The following SYTL2 variants were observed in gnomAD, a reference collection of about 807,000 sequenced individuals.
SYTL2 encodes synaptotagmin-like protein 2.
A neutral mutation model predicts 198.7 loss-of-function variants in SYTL2; 165 were observed. The observed-to-expected ratio is 0.83, with a 90% CI of 0.73 to 0.94. The LOEUF is 0.94. Among genes scored for constraint, SYTL2 ranks in the 40% least tolerant of loss-of-function variants. The probability of loss-of-function intolerance (pLI) is 0.00; values close to 1 mark genes in which losing one functional copy is unlikely to be tolerated. For missense variants in SYTL2, 2,835 were observed against 2,582.8 expected (o/e 1.10, Z -2.12); for synonymous variants, 966 against 917.7 (o/e 1.05, Z -0.95).
chr11:85,722,540 C>T (rs2088500396), intron 8 of SYTL2, among the ~76,000 whole-genome samples: 2 of 152,088 alleles, frequency 1.3e-5, no homozygotes, highest in Admixed American at 6.6e-5. Flanking sequence ...TGCTGGGATA[C>T]ACATTAGATG....
At position 85,696,219 on chromosome 11, in the gene SYTL2, G is replaced by C; in HGVS notation, c.6538C>G (p.Gln2180Glu). Residue 2180 changes from glutamine (Q) to glutamate (E), a missense_variant, in exon 19 of 20, where the codon CAA becomes GAA. Coordinates refer to ENST00000359152, the MANE Select transcript of SYTL2 (RefSeq NM_206927.4). ...TVWDHYKLTN[Q>E]FLGGLRIGFG... The stretch of plus-strand genomic sequence containing the variant: ...CCAATACGAAGACCTCCCAAAAATT[G>C]GTTGGTTAATTTGTAATGGTCCCAG... 1 of 1,614,048 alleles carries C rather than the reference G, an allele frequency of 6.2e-7. No homozygotes were observed. Among genetic ancestry groups the C allele is most frequent in the Non-Finnish European group, 8.5e-7 (1 of 1,179,994 alleles).
At chr11:85,701,123 C>T (rs1443575375) in intron 16 of SYTL2, among the ~76,000 whole-genome samples, 4 of 152,130 alleles carry the variant, frequency 2.6e-5, no homozygotes, top group East Asian at 3.9e-4. Flanking sequence ...AAACTTCTAT[C>T]TGTTATTTTC....
At chr11:85,745,911 A>G (rs2091126119) in intron 3 of SYTL2, 139 bp from the exon 4 acceptor site, 6 of 733,822 alleles carry the variant, frequency 8.2e-6, no homozygotes, top group Non-Finnish European at 1.3e-5. Context: ...GGGTCTAAGT[A>G]GTTGATCAGA....
chr11:85,843,373 T>A, the SYTL2 span, among the ~76,000 whole-genome samples: 1 of 151,798 alleles, frequency 6.6e-6, no homozygotes, highest in Non-Finnish European at 1.5e-5. Flanking sequence ...GTCTCAAAAA[T>A]AAAAATAAAA....
intron 2 of SYTL2, among the ~76,000 whole-genome samples, chr11:85,750,058 C>A (rs2091421926): frequency 6.6e-6 from 1 of 152,160 alleles, no homozygotes; most frequent in African/African-American, 2.4e-5. Context: ...CAGCTTCTTA[C>A]AATTCTCCAG....
At chr11:85,839,679 A>G in the SYTL2 span, among the ~76,000 whole-genome samples, 19 of 152,268 alleles carry the variant, frequency 1.2e-4, 1 homozygote, top group African/African-American at 4.3e-4. Context: ...TTATCCATTC[A>G]TCTGCTGGTG....
chr11:85,821,023 A>G, the SYTL2 span, among the ~76,000 whole-genome samples: 7 of 152,238 alleles, frequency 4.6e-5, 1 homozygote, highest in Admixed American at 4.6e-4. Context: ...TGAGCCAGGC[A>G]TGAAGTCTGT....
chr11:85,813,132 G>C (rs189478362), upstream of SYTL2, among the ~76,000 whole-genome samples: 1 of 152,124 alleles, frequency 6.6e-6, no homozygotes, highest in East Asian at 1.9e-4. Context: ...TTGTGGGGCA[G>C]GCAAGTGGGG....
intron 1 of SYTL2, among the ~76,000 whole-genome samples, chr11:85,797,033 A>T (rs1266228497): frequency 2.0e-5 from 3 of 152,072 alleles, no homozygotes; most frequent in African/African-American, 4.8e-5. Flanking sequence ...TATAAAAAAA[A>T]ATTTTAAATG....
At chr11:85,776,866 C>A (rs961815456) in intron 1 of SYTL2, among the ~76,000 whole-genome samples, 1 of 152,134 alleles carries the variant, frequency 6.6e-6, no homozygotes, top group African/African-American at 2.4e-5. Context: ...TCGGGTATTT[C>A]TTTATAGCAA....
chr11:85,735,949 T>A (rs1468582982), intron 6 of SYTL2, among the ~76,000 whole-genome samples: 1 of 152,222 alleles, frequency 6.6e-6, no homozygotes, highest in Non-Finnish European at 1.5e-5. Flanking sequence ...TGTGGAATCT[T>A]CTTCAAGTTG....
At chr11:85,746,336 T>G (rs2091154684) in intron 3 of SYTL2, among the ~76,000 whole-genome samples, 1 of 152,162 alleles carries the variant, frequency 6.6e-6, no homozygotes, top group Non-Finnish European at 1.5e-5. Context: ...AGAGCCCCCA[T>G]AAAACCTCTG....
intron 12 of SYTL2, among the ~76,000 whole-genome samples, chr11:85,712,808 C>G (rs2086547671): frequency 6.6e-6 from 1 of 151,970 alleles, no homozygotes; most frequent in South Asian, 2.1e-4. Context: ...CCTCTGCCTC[C>G]CGGGTTCAAG....
At chr11:85,717,437 T>C in intron 11 of SYTL2, 46 bp downstream of exon 11, 1 of 1,519,200 alleles carries the variant, frequency 6.6e-7, no homozygotes, top group Non-Finnish European at 9.1e-7. Context: ...ATTTAATATG[T>C]AAAGTGGAAT....
chr11:85,726,605 T>C lies in SYTL2; in HGVS notation c.2753A>G (p.Asp918Gly). ...AATGTTTCTTCTAGAAGGCAAACTGTCTGCCACTTGTGATCTTTTTATAGG... is the reference window on the plus strand; with the variant it reads ...AATGTTTCTTCTAGAAGGCAAACTGCCTGCCACTTGTGATCTTTTTATAGG... ...NEPIKRSQVA[D>G]SLPSRRNITL... The change falls in exon 8 of 20, where the codon GAC becomes GGC. Residue 918 changes from aspartate (D) to glycine (G), a missense_variant. This residue lies in a region of SYTL2 where 2,645 missense variants were observed against 2,381.7 expected (regional missense o/e 1.11). Coordinates refer to ENST00000359152, the MANE Select transcript of SYTL2 (RefSeq NM_206927.4). 6.4e-7 allele frequency: 1 copy of C among 1,553,634 alleles called. No individual in the cohort carries two copies. The highest frequency in any genetic ancestry group is 1.2e-5 in the South Asian group (1 of 86,708).
Position 85,725,751 on chromosome 11 carries a change from T to A in SYTL2, c.3607A>T (p.Lys1203Ter), listed in dbSNP as rs748449591. ...GCAGTCAAAGAGTTCCGTTTAACCTTTGGATGAACTACTGTTTTGTCAACA... is the reference window on the plus strand; with the variant it reads ...GCAGTCAAAGAGTTCCGTTTAACCTATGGATGAACTACTGTTTTGTCAACA... Reference protein sequence around the residue: ...EHVDKTVVHPKVKRNSLTASL... With the variant: ...EHVDKTVVHP The change falls in exon 8 of 20, where the codon AAG becomes TAG. Residue 1203 changes from lysine (K) to a stop codon, truncating the protein, a stop_gained. Coordinates refer to ENST00000359152, the MANE Select transcript of SYTL2 (RefSeq NM_206927.4). LOFTEE classifies it high-confidence loss of function. 1.2e-6 allele frequency: 2 copies of A among 1,614,048 alleles called. No homozygotes were observed. The highest frequency in any genetic ancestry group is 2.7e-5 in the African/African-American group (2 of 74,934).
chr11:85,802,071 C>T (rs901498882), intron 1 of SYTL2, among the ~76,000 whole-genome samples: 1 of 152,038 alleles, frequency 6.6e-6, no homozygotes, highest in Non-Finnish European at 1.5e-5. Flanking sequence ...GCCTCAGGCT[C>T]CCAAAGTGCT....
At chr11:85,846,206 T>C in the SYTL2 span, among the ~76,000 whole-genome samples, 1 of 152,182 alleles carries the variant, frequency 6.6e-6, no homozygotes, top group Non-Finnish European at 1.5e-5. Flanking sequence ...ACTTCTTACA[T>C]GGCAGCTGGC....
intron 16 of SYTL2, among the ~76,000 whole-genome samples, chr11:85,701,950 T>C (rs999559661): frequency 2.0e-5 from 3 of 152,262 alleles, no homozygotes; most frequent in African/African-American, 7.2e-5. Flanking sequence ...ACTGAGCACA[T>C]AAAAAGCCTA....
Sources: allele counts gnomAD v4.1 joint callset (sites outside exome capture counted in the v4.1 genomes callset), GRCh38; gene constraint gnomAD v4.1.1; regional missense constraint gnomAD v4.1.1; transcripts MANE v1.5; gene names NCBI Gene and HGNC (gene_info 2026-07-23, HGNC 2026-07-21).